Variants in ANKS1B observed in about 807,000 individuals in gnomAD.
ANKS1B encodes the protein ankyrin repeat and sterile alpha motif domain containing 1B, also known as ankyrin repeat and sterile alpha motif domain-containing protein 1B.
A neutral mutation model predicts 148.3 loss-of-function variants in ANKS1B; 36 were observed. That is an observed-to-expected ratio of 0.24 (90% CI 0.19 to 0.32). The LOEUF is 0.32. ANKS1B is among the 10% of genes least tolerant of loss of function. The pLI, the probability that ANKS1B is intolerant of heterozygous loss-of-function variation, is 1.00. For synonymous variants in ANKS1B, 542 were observed against 560.8 expected (o/e 0.97, Z 0.47); for missense variants, 1,157 against 1,542.6 (o/e 0.75, Z 4.19).
At chr12:99,426,633 T>A (rs2095260300) in intron 11 of ANKS1B, among the ~76,000 whole-genome samples, 1 of 152,176 alleles carries the variant, frequency 6.6e-6, no homozygotes, top group African/African-American at 2.4e-5. Context: ...TAAATAGTAA[T>A]GTAATTAATA....
intron 25 of ANKS1B, among the ~76,000 whole-genome samples, chr12:98,754,861 G>C (rs887629512): frequency 6.6e-6 from 1 of 152,190 alleles, no homozygotes; most frequent in Non-Finnish European, 1.5e-5. Flanking sequence ...CAGACTGTTG[G>C]ATTAAGTTTT....
In ANKS1B at chr12:99,969,068, G is replaced by A. The variant is rs146013935; in HGVS notation, c.134+15036C>T. Among the ~76,000 whole-genome samples the A allele has an allele frequency of 6.9e-3, 1,055 of 152,236 alleles. 6 individuals are homozygous for A. The highest frequency in any genetic ancestry group is 7.6e-3 in the Non-Finnish European group (514 of 68,026). On this transcript the variant is annotated intron_variant, in intron 1 of 26. Coordinates refer to ENST00000683438, the MANE Select transcript of ANKS1B (RefSeq NM_001352186.2). The stretch of plus-strand genomic sequence containing the variant: ...TAGCAACACAAGAACTGACACACTC[G>A]CCCATCTGGAAACATGGGATGGACA...
chr12:98,948,726 T>TTCTC (rs144897567), intron 17 of ANKS1B, among the ~76,000 whole-genome samples: 44 of 144,926 alleles, frequency 3.0e-4, no homozygotes, highest in South Asian at 8.9e-4. Flanking sequence ...TTATGCCAAT[T>TTCTC]TCTCTCTCTC....
At chr12:99,473,232 T>C (rs1339824876) in intron 10 of ANKS1B, among the ~76,000 whole-genome samples, 6 of 152,064 alleles carry the variant, frequency 3.9e-5, no homozygotes, top group Admixed American at 1.3e-4. Flanking sequence ...ATGACAATTC[T>C]GACTCCTTTT....
intron 1 of ANKS1B, among the ~76,000 whole-genome samples, chr12:99,851,036 C>T (rs1390134877): frequency 6.6e-6 from 1 of 151,994 alleles, no homozygotes. Context: ...TTTAGATCTC[C>T]ATAACATGAA....
At chr12:99,760,622 A>G (rs1044223894) in intron 8 of ANKS1B, among the ~76,000 whole-genome samples, 2 of 151,842 alleles carry the variant, frequency 1.3e-5, no homozygotes, top group African/African-American at 4.8e-5. Flanking sequence ...TTAATAATCT[A>G]ACATCACACC....
At chr12:99,933,407 T>C (rs1603466338) in intron 1 of ANKS1B, among the ~76,000 whole-genome samples, 1 of 152,298 alleles carries the variant, frequency 6.6e-6, no homozygotes, top group East Asian at 1.9e-4. Flanking sequence ...GAAATATTTT[T>C]CCATTTTTCC....
chr12:99,930,767 T>C (rs966477465), intron 1 of ANKS1B, among the ~76,000 whole-genome samples: 1 of 152,194 alleles, frequency 6.6e-6, no homozygotes, highest in Non-Finnish European at 1.5e-5. Flanking sequence ...AGTTCAACCA[T>C]TGTGGAAGTC....
chr12:98,858,367 A>T (rs534173281), intron 17 of ANKS1B, among the ~76,000 whole-genome samples: 6 of 152,342 alleles, frequency 3.9e-5, no homozygotes, highest in African/African-American at 1.2e-4. Context: ...ATTTTGAGAC[A>T]GTGTCTTGCT....
intron 17 of ANKS1B, among the ~76,000 whole-genome samples, chr12:98,842,337 A>C (rs1021710590): frequency 2.0e-5 from 3 of 152,336 alleles, no homozygotes; most frequent in Non-Finnish European, 4.4e-5. Flanking sequence ...AGATGATAGA[A>C]TATTGTAGGA....
At chr12:99,318,655 T>A (rs1369176116) in intron 12 of ANKS1B, among the ~76,000 whole-genome samples, 1 of 152,146 alleles carries the variant, frequency 6.6e-6, no homozygotes, top group Non-Finnish European at 1.5e-5. Flanking sequence ...AAGGTTTTTT[T>A]ATGTCTCTAT....
At chr12:99,525,482 A>T (rs944503795) in intron 9 of ANKS1B, among the ~76,000 whole-genome samples, 1 of 152,194 alleles carries the variant, frequency 6.6e-6, no homozygotes, top group Non-Finnish European at 1.5e-5. Context: ...ATTTATGTAA[A>T]CTACAAATGG....
chr12:99,965,903 C>T (rs942107845), intron 1 of ANKS1B, among the ~76,000 whole-genome samples: 1 of 152,180 alleles, frequency 6.6e-6, no homozygotes, highest in African/African-American at 2.4e-5. Context: ...CAAAGTGAGA[C>T]TGCATCTCCG....
intron 4 of ANKS1B, among the ~76,000 whole-genome samples, chr12:99,783,818 G>C (rs2064656436): frequency 6.6e-6 from 1 of 152,014 alleles, no homozygotes; most frequent in Non-Finnish European, 1.5e-5. Context: ...TTCTTTAGTA[G>C]GGTGATGATA....
intron 8 of ANKS1B, among the ~76,000 whole-genome samples, chr12:99,663,076 T>A (rs939524158): frequency 6.6e-6 from 1 of 152,142 alleles, no homozygotes; most frequent in African/African-American, 2.4e-5. Context: ...GCATGATATA[T>A]CATATTTTCC....
intron 17 of ANKS1B, among the ~76,000 whole-genome samples, chr12:98,891,096 T>C (rs1295913700): frequency 6.6e-6 from 1 of 152,236 alleles, no homozygotes; most frequent in African/African-American, 2.4e-5. Flanking sequence ...TCCATTCAAG[T>C]CATTTACAGA....
chr12:99,714,745 T>C (rs1600401799), intron 8 of ANKS1B, among the ~76,000 whole-genome samples: 1 of 152,270 alleles, frequency 6.6e-6, no homozygotes, highest in Non-Finnish European at 1.5e-5. Context: ...GACACAATAA[T>C]ATTGAAATTA....
chr12:99,234,231 C>A (rs2087423468), intron 14 of ANKS1B, among the ~76,000 whole-genome samples: 1 of 152,100 alleles, frequency 6.6e-6, no homozygotes, highest in Non-Finnish European at 1.5e-5. Context: ...AATTTCATTG[C>A]CTGTCCCTTC....
At chr12:99,611,840 T>C (rs1356681685) in intron 9 of ANKS1B, among the ~76,000 whole-genome samples, 1 of 152,082 alleles carries the variant, frequency 6.6e-6, no homozygotes, top group Non-Finnish European at 1.5e-5. Flanking sequence ...GAATATTTTA[T>C]TTAAAGCAAA....
Sources: allele counts gnomAD v4.1 joint callset (sites outside exome capture counted in the v4.1 genomes callset), GRCh38; gene constraint gnomAD v4.1.1; transcripts MANE v1.5; gene names NCBI Gene and HGNC (gene_info 2026-07-23, HGNC 2026-07-21).